The following LOXHD1 variants were observed in gnomAD, a reference collection of about 807,000 sequenced individuals.
LOXHD1 encodes lipoxygenase homology PLAT domains 1.
In LOXHD1, 205 loss-of-function variants were observed where a neutral mutation model predicts 248.2. That is an observed-to-expected ratio of 0.83 (90% CI 0.74 to 0.93). The LOEUF (loss-of-function observed/expected upper bound fraction) is 0.93. LOXHD1 is among the 40% of genes least tolerant of loss of function. LOXHD1 has a pLI of 0.00. For missense variants in LOXHD1, 2,930 were observed against 2,971.6 expected (o/e 0.99, Z 0.33); for synonymous variants, 1,113 against 1,162.8 (o/e 0.96, Z 0.87).
chr18:46,630,644 G>A (rs1374326043), intron 4 of LOXHD1, among the ~76,000 whole-genome samples: 1 of 152,186 alleles, frequency 6.6e-6, no homozygotes, highest in Non-Finnish European at 1.5e-5. Context: ...GGGCTTCCCT[G>A]AAGTCAAAGA....
At chr18:46,596,559 C>T (rs531147592) in intron 8 of LOXHD1, among the ~76,000 whole-genome samples, 1 of 152,286 alleles carries the variant, frequency 6.6e-6, no homozygotes, top group African/African-American at 2.4e-5. Flanking sequence ...AGGACTGCTC[C>T]TTTAGACAAA....
chr18:46,501,069 C>T (rs1046270470), intron 37 of LOXHD1, among the ~76,000 whole-genome samples: 2 of 152,222 alleles, frequency 1.3e-5, no homozygotes, highest in African/African-American at 4.8e-5. Flanking sequence ...CTGCTCCCTA[C>T]TCTGTCCCTA....
chr18:46,572,520 T>C (rs2037772354), intron 14 of LOXHD1, among the ~76,000 whole-genome samples: 1 of 152,032 alleles, frequency 6.6e-6, no homozygotes, highest in Admixed American at 6.5e-5. Flanking sequence ...ACCATGTGGA[T>C]GGGATGCAGT....
intron 4 of LOXHD1, among the ~76,000 whole-genome samples, chr18:46,633,305 C>A (rs1295571228): frequency 3.3e-5 from 5 of 152,066 alleles, no homozygotes; most frequent in African/African-American, 9.7e-5. Flanking sequence ...AACAGAGAGC[C>A]CAGAAATAAA....
At chr18:46,517,672 T>A (rs2035331475) in intron 34 of LOXHD1, among the ~76,000 whole-genome samples, 1 of 152,214 alleles carries the variant, frequency 6.6e-6, no homozygotes, top group Non-Finnish European at 1.5e-5. Context: ...AGTCTTTTTT[T>A]AATGTTTTGA....
At chr18:46,509,872 G>C in intron 34 of LOXHD1, 57 bp from the exon 35 acceptor site, 1 of 1,143,204 alleles carries the variant, frequency 8.7e-7, no homozygotes, top group Admixed American at 2.0e-5. Context: ...GGAGGGTTGG[G>C]GTGGGCCAGG....
At chr18:46,529,483 A>G (rs924053950) in intron 28 of LOXHD1, among the ~76,000 whole-genome samples, 152 bp from the exon 29 acceptor site, 1 of 152,146 alleles carries the variant, frequency 6.6e-6, no homozygotes, top group African/African-American at 2.4e-5. Flanking sequence ...AATTATGCAT[A>G]CTCAGCTTCA....
intron 4 of LOXHD1, among the ~76,000 whole-genome samples, chr18:46,635,396 G>A (rs529965963): frequency 1.3e-5 from 2 of 152,138 alleles, no homozygotes; most frequent in Non-Finnish European, 2.9e-5. Flanking sequence ...ATTGCCCTTG[G>A]TCATGTCCTA....
intron 21 of LOXHD1, among the ~76,000 whole-genome samples, chr18:46,555,651 T>G (rs1229389581): frequency 6.6e-6 from 1 of 152,128 alleles, no homozygotes; most frequent in Non-Finnish European, 1.5e-5. Flanking sequence ...CAAAGCCCAC[T>G]CAGGATCACT....
At chr18:46,493,844 G>A (rs1207268480) in intron 37 of LOXHD1, among the ~76,000 whole-genome samples, 1 of 152,118 alleles carries the variant, frequency 6.6e-6, no homozygotes, top group African/African-American at 2.4e-5. Flanking sequence ...GGGACAAAAG[G>A]GCCCAACTCT....
chr18:46,495,900 T>G (rs1037744368), intron 37 of LOXHD1, among the ~76,000 whole-genome samples: 2 of 152,068 alleles, frequency 1.3e-5, no homozygotes, highest in African/African-American at 4.8e-5. Flanking sequence ...GGTGTGGTGC[T>G]GCACACCTGT....
intron 35 of LOXHD1, among the ~76,000 whole-genome samples, chr18:46,509,348 C>G (rs1568114061): frequency 6.6e-6 from 1 of 152,154 alleles, no homozygotes; most frequent in Non-Finnish European, 1.5e-5. Flanking sequence ...CCCACCATGG[C>G]AGCCTCTCTC....
chr18:46,548,298 C>G (rs1218511042), intron 21 of LOXHD1, among the ~76,000 whole-genome samples: 1 of 147,450 alleles, frequency 6.8e-6, no homozygotes, highest in African/African-American at 2.5e-5. Flanking sequence ...AGGGACTGCT[C>G]AAAGTCTGGA....
intron 34 of LOXHD1, 53 bp downstream of exon 34, chr18:46,518,076 A>AG: frequency 1.3e-6 from 2 of 1,508,858 alleles, no homozygotes; most frequent in South Asian, 1.2e-5. Context: ...GGTGGGGCAG[A>AG]GGGGGAGAGT....
At position 46,518,017 on chromosome 18, in the gene LOXHD1, G is replaced by T. The variant is rs188269968; in HGVS notation, c.5399+112C>A. The T allele has an allele frequency of 9.7e-3, 12,688 of 1,311,502 alleles. 90 individuals carry two copies. The highest frequency in any genetic ancestry group is 0.013 in the Middle Eastern group (49 of 3,900). 81.2% of individuals were successfully genotyped at this position (1,311,502 alleles called of 1,614,324 possible). On this transcript the variant is annotated intron_variant, in intron 34 of 40. Coordinates refer to ENST00000642948, the MANE Select transcript of LOXHD1 (RefSeq NM_001384474.1). ...AATAGACAAAGGCAGAGGAAGGAAG[G>T]CCTCATGGTCTGCAGCGGGCATGTG...
intron 4 of LOXHD1, among the ~76,000 whole-genome samples, chr18:46,638,276 A>C (rs979097084): frequency 1.3e-5 from 2 of 152,220 alleles, no homozygotes; most frequent in Non-Finnish European, 2.9e-5. Flanking sequence ...CTATTTTCTA[A>C]ATTTTCTACA....
At chr18:46,525,312 C>T (rs1475745622) in intron 29 of LOXHD1, among the ~76,000 whole-genome samples, 1 of 152,124 alleles carries the variant, frequency 6.6e-6, no homozygotes, top group Non-Finnish European at 1.5e-5. Flanking sequence ...GGGGATAAGT[C>T]CAGCTGTGGC....
chr18:46,538,512 G>A (rs2036417870), intron 25 of LOXHD1, among the ~76,000 whole-genome samples, 175 bp from the exon 26 acceptor site: 1 of 152,186 alleles, frequency 6.6e-6, no homozygotes, highest in African/African-American at 2.4e-5. Flanking sequence ...AGCAACTGCA[G>A]GTGGGGTCCT....
Position 46,541,917 on chromosome 18 carries a change from C to A in LOXHD1, c.3772G>T (p.Asp1258Tyr). The A allele has an allele frequency of 2.6e-6, 4 of 1,551,640 alleles. No homozygotes were observed. Among genetic ancestry groups the A allele is most frequent in the Non-Finnish European group, 3.5e-6 (4 of 1,146,952 alleles). Residue 1258 changes from aspartate to tyrosine, a missense_variant, in exon 25 of 41, where the codon GAC (aspartate) becomes TAC (tyrosine). By Grantham distance (160) the Asp-to-Tyr change is radical (BLOSUM62 -3). Transcript: ENST00000642948. ...GATGGGGCATCCACCTCTACCCAGT[C>A]TACAAACCAGCCTGGGGCCTTGCCT... Reference protein sequence around the residue: ...NTGKAPGWFVDWVEVDAPSLG... With the variant: ...NTGKAPGWFVYWVEVDAPSLG...
Sources: gnomAD v4.1 joint callset for allele counts (sites outside exome capture counted in the v4.1 genomes callset) on GRCh38, gnomAD v4.1.1 for gene constraint, MANE v1.5 for transcripts, NCBI Gene and HGNC (gene_info 2026-07-23, HGNC 2026-07-21) for gene names.